PWWP2B: variants seen among roughly 807,000 people sequenced by gnomAD.
PWWP2B encodes PWWP domain containing 2B.
In PWWP2B, 9 loss-of-function variants were observed where a neutral mutation model predicts 15.5. That is an observed-to-expected ratio of 0.58 (90% CI 0.35 to 1.02). PWWP2B has a LOEUF of 1.02. PWWP2B is among the 50% of genes least tolerant of loss of function. The pLI, the probability that PWWP2B is intolerant of heterozygous loss-of-function variation, is 0.02. For synonymous variants in PWWP2B, 474 were observed against 403.6 expected (o/e 1.17, Z -2.09); for missense variants, 864 against 865.3 (o/e 1.00, Z 0.02).
chr10:132,415,212 TCA>T (rs984005981), intron 2 of PWWP2B, among the ~76,000 whole-genome samples: 12 of 151,062 alleles, frequency 7.9e-5, no homozygotes, highest in Admixed American at 2.0e-4. Context: ...ACATCCACTC[TCA>T]CACACACACC....
chr10:132,416,263 G>A (rs910391920), intron 2 of PWWP2B, among the ~76,000 whole-genome samples: 3 of 152,140 alleles, frequency 2.0e-5, no homozygotes, highest in Non-Finnish European at 4.4e-5. Context: ...CGGGGCTGGC[G>A]TGGCCCCGTG....
intron 1 of PWWP2B, among the ~76,000 whole-genome samples, chr10:132,399,532 G>A (rs2069587177): frequency 6.6e-6 from 1 of 152,272 alleles, no homozygotes; most frequent in South Asian, 2.1e-4. Flanking sequence ...TGGCAGGTGG[G>A]TGGAATTGCC....
At chr10:132,397,457 C>A in intron 1 of PWWP2B, 106 bp downstream of exon 1, 1 of 1,027,972 alleles carries the variant, frequency 9.7e-7, no homozygotes, top group South Asian at 4.5e-5. Context: ...GGCGTGGCCC[C>A]GGCGCCCGCT....
At chr10:132,416,578 C>G (rs946465306) in intron 2 of PWWP2B, among the ~76,000 whole-genome samples, 1 of 152,180 alleles carries the variant, frequency 6.6e-6, no homozygotes, top group African/African-American at 2.4e-5. Flanking sequence ...GGGTCTAGCC[C>G]TCCCTTCCCA....
Position 132,405,174 on chromosome 10 carries a change from C to T in PWWP2B, c.674C>T (p.Ala225Val), listed in dbSNP as rs1469297719. ...GAGCCGGAGAACGGCGAGCCCACGG[C>T]TGCGGCCACCGCCAGGAGGAGCAAG... ...PEEPENGEPTAAATARRSKRE... is the reference protein window; with the variant it reads ...PEEPENGEPTVAATARRSKRE... The change falls in exon 2 of 3, where the codon GCT (alanine) becomes GTT (valine). Residue 225 changes from alanine to valine, a missense_variant. Coordinates refer to ENST00000305233, the MANE Select transcript of PWWP2B (RefSeq NM_138499.4). 3.2e-6 allele frequency: 5 copies of T among 1,554,776 alleles called. No homozygotes were observed. Among genetic ancestry groups the T allele is most frequent in the Non-Finnish European group, 4.3e-6 (5 of 1,150,100 alleles).
chr10:132,411,000 G>A (rs2069771871), intron 2 of PWWP2B, among the ~76,000 whole-genome samples: 1 of 152,208 alleles, frequency 6.6e-6, no homozygotes, highest in South Asian at 2.1e-4. Context: ...GGGTTTCTGC[G>A]CCACTGGACG....
chr10:132,410,152 G>C (rs562653862), intron 2 of PWWP2B, among the ~76,000 whole-genome samples: 37 of 152,314 alleles, frequency 2.4e-4, no homozygotes, highest in Middle Eastern at 3.4e-3. Flanking sequence ...AGTGACGGGG[G>C]ACGGGGAGGC....
At chr10:132,400,457 C>T (rs2069601843) in intron 1 of PWWP2B, among the ~76,000 whole-genome samples, 1 of 152,174 alleles carries the variant, frequency 6.6e-6, no homozygotes, top group African/African-American at 2.4e-5. Flanking sequence ...CCCACCTGCT[C>T]TCCCCTGGAG....
intron 2 of PWWP2B, among the ~76,000 whole-genome samples, chr10:132,416,224 G>A (rs958825497): frequency 1.3e-5 from 2 of 152,186 alleles, no homozygotes; most frequent in African/African-American, 4.8e-5. Flanking sequence ...AGGGCCCATG[G>A]GGCGCCTTTG....
At chr10:132,399,467 C>T (rs1486850619) in intron 1 of PWWP2B, among the ~76,000 whole-genome samples, 2 of 152,248 alleles carry the variant, frequency 1.3e-5, no homozygotes, top group African/African-American at 2.4e-5. Flanking sequence ...TGTTGTCGGC[C>T]GGTTTGGGAG....
At chr10:132,397,745 C>G (rs1026113067) in intron 1 of PWWP2B, among the ~76,000 whole-genome samples, 3 of 152,368 alleles carry the variant, frequency 2.0e-5, no homozygotes, top group African/African-American at 7.2e-5. Context: ...CTGGCAGTTC[C>G]TCACAGGTGG....
chr10:132,416,654 G>A (rs764168907), intron 2 of PWWP2B, among the ~76,000 whole-genome samples: 3 of 152,088 alleles, frequency 2.0e-5, no homozygotes, highest in African/African-American at 4.8e-5. Flanking sequence ...CCCCAGGCTC[G>A]GGTCTCCACG....
chr10:132,414,622 G>T (rs984207998), intron 2 of PWWP2B, among the ~76,000 whole-genome samples: 1 of 152,200 alleles, frequency 6.6e-6, no homozygotes, highest in African/African-American at 2.4e-5. Flanking sequence ...CCTCTACCTC[G>T]CTGTCAGCCG....
intron 2 of PWWP2B, among the ~76,000 whole-genome samples, chr10:132,413,723 C>T (rs1052856518): frequency 6.6e-5 from 10 of 152,276 alleles, no homozygotes; most frequent in Admixed American, 6.5e-4. Context: ...CTCCTCCCCG[C>T]CCCTCGCCTC....
rs1025299626 is a variant in PWWP2B, at chr10:132,404,496, G to A, written c.126-130G>A. The A allele has an allele frequency of 2.6e-5, 20 of 762,828 alleles. 1 individual carries two copies. The Admixed American group carries it at 4.0e-4, about 15-fold the overall frequency. 47.3% of individuals were successfully genotyped at this position (762,828 alleles called of 1,614,324 possible). On this transcript the variant is annotated intron_variant, in intron 1 of 2. Coordinates refer to ENST00000305233, the MANE Select transcript of PWWP2B (RefSeq NM_138499.4). Reference sequence around the variant, plus strand: ...GTTTACCGTCCTGAAATACAGCCCTGGACTCAGGGCATGGCTCGCTGCCCA... The same window carrying A: ...GTTTACCGTCCTGAAATACAGCCCTAGACTCAGGGCATGGCTCGCTGCCCA...
In PWWP2B at chr10:132,417,822, T is replaced by C. The variant is rs948016015; in HGVS notation, c.*778T>C. 1 of 152,252 alleles carries C rather than the reference T, an allele frequency of 6.6e-6. No homozygotes were observed. Among genetic ancestry groups the C allele is most frequent in the African/African-American group, 2.4e-5 (1 of 41,468 alleles). 9.4% of individuals were successfully genotyped at this position (152,252 alleles called of 1,614,324 possible). On this transcript the variant is annotated 3_prime_UTR_variant, in exon 3 of 3. Coordinates refer to ENST00000305233, the MANE Select transcript of PWWP2B (RefSeq NM_138499.4). ...GTTCCTTTTCCTCTTTTTTGTCACT[T>C]TAAAGACCAAAAAGAATAAAGAAAG...
At position 132,404,690 on chromosome 10, in the gene PWWP2B, G is replaced by A. The variant is rs751968534; in HGVS notation, c.190G>A (p.Asp64Asn). The change falls in exon 2 of 3, where the codon GAC (aspartate) becomes AAC (asparagine). Residue 64 changes from aspartate (D) to asparagine (N), a missense_variant. Around this residue, in one of 2 missense-constraint regions of PWWP2B, gnomAD observed 736 missense variants for 687.7 expected, o/e 1.07. Coordinates refer to ENST00000305233, the MANE Select transcript of PWWP2B (RefSeq NM_138499.4). ...LPQVDESPVN[D>N]SHGRAPEEGD... ...CCAGGTCGATGAGTCCCCTGTCAAC[G>A]ACAGCCATGGCCGGGCTCCCGAGGA... The A allele has an allele frequency of 8.7e-6, 14 of 1,612,374 alleles. No homozygotes were observed. Among genetic ancestry groups the A allele is most frequent in the Middle Eastern group, 1.6e-4 (1 of 6,080 alleles).
intron 2 of PWWP2B, among the ~76,000 whole-genome samples, chr10:132,406,722 G>C (rs1030381575): frequency 2.0e-5 from 3 of 152,158 alleles, no homozygotes; most frequent in Non-Finnish European, 4.4e-5. Flanking sequence ...GATCAGAGCG[G>C]GCATCTCCCT....
chr10:132,405,658 T>G lies in PWWP2B; in HGVS notation c.1158T>G (p.Gly386=). ...CGGACTTGTCTTCTGGAAGTTCGGGTGAGGACGATGACTTCAAGAGCTGTC... is the reference window on the plus strand; with the variant it reads ...CGGACTTGTCTTCTGGAAGTTCGGGGGAGGACGATGACTTCAAGAGCTGTC... ...GLADLSSGSS[G]EDDDFKSCPQ... is the part of the protein sequence containing the mutation. Residue 386 remains glycine, a synonymous_variant, in exon 2 of 3, where the codon GGT becomes GGG. Transcript: ENST00000305233. The G allele has an allele frequency of 3.1e-6, 5 of 1,612,356 alleles. No individual in the cohort carries two copies. Among genetic ancestry groups the G allele is most frequent in the Non-Finnish European group, 4.2e-6 (5 of 1,179,856 alleles).
Sources: gnomAD v4.1 joint callset for allele counts (sites outside exome capture counted in the v4.1 genomes callset) on GRCh38, gnomAD v4.1.1 for gene constraint, gnomAD v4.1.1 regional missense constraint, MANE v1.5 for transcripts, NCBI Gene and HGNC (gene_info 2026-07-23, HGNC 2026-07-21) for gene names.